Variants in ANTXR1 observed in about 807,000 individuals in gnomAD.
ANTXR1 encodes the protein anthrax toxin receptor 1.
Under a neutral mutation model 78.1 loss-of-function variants are expected in ANTXR1, and 19 were observed. The observed-to-expected ratio is 0.24, with a 90% confidence interval of 0.17 to 0.36. The LOEUF (loss-of-function observed/expected upper bound fraction) is 0.36. ANTXR1 is among the 10% of genes least tolerant of loss of function. ANTXR1 has a pLI of 1.00. For synonymous variants in ANTXR1, 273 were observed against 260.5 expected (o/e 1.05, Z -0.46); for missense variants, 518 against 718.6 (o/e 0.72, Z 3.19).
intron 4 of ANTXR1, 45 bp downstream of exon 4, chr2:69,070,773 G>T: frequency 6.5e-7 from 1 of 1,547,466 alleles, no homozygotes; most frequent in Non-Finnish European, 8.9e-7. Context: ...GCATGATATT[G>T]AAATATCAAC....
chr2:69,070,030 A>T (rs1438035206), intron 3 of ANTXR1, among the ~76,000 whole-genome samples: 3 of 152,164 alleles, frequency 2.0e-5, no homozygotes, highest in Admixed American at 1.3e-4. Context: ...TTTGGCCCCC[A>T]AGTCATTTAT....
At chr2:69,046,894 A>C (rs1176640712) in intron 3 of ANTXR1, among the ~76,000 whole-genome samples, 1 of 152,186 alleles carries the variant, frequency 6.6e-6, no homozygotes, top group Non-Finnish European at 1.5e-5. Flanking sequence ...GAATTAAGAA[A>C]AACTTGTTCA....
chr2:69,152,340 G>C, intron 13 of ANTXR1, 76 bp downstream of exon 13: 1 of 1,480,984 alleles, frequency 6.8e-7, no homozygotes, highest in East Asian at 2.3e-5. Context: ...GAGAGAAAGG[G>C]ATTTTTAAAA....
At chr2:69,190,640 A>T (rs1411816795) in intron 16 of ANTXR1, among the ~76,000 whole-genome samples, 10 of 152,200 alleles carry the variant, frequency 6.6e-5, no homozygotes, top group Admixed American at 3.9e-4. Context: ...GGGAGATGAA[A>T]CTACTCATCT....
At chr2:69,128,664 A>C (rs1411981445) in intron 12 of ANTXR1, among the ~76,000 whole-genome samples, 2 of 152,218 alleles carry the variant, frequency 1.3e-5, no homozygotes, top group South Asian at 2.1e-4. Flanking sequence ...TTAAAGGCTG[A>C]AACTATCATT....
intron 2 of ANTXR1, among the ~76,000 whole-genome samples, chr2:69,042,965 C>G (rs1669653732): frequency 6.6e-6 from 1 of 152,194 alleles, no homozygotes; most frequent in East Asian, 1.9e-4. Context: ...TGGCTCACTT[C>G]CCTCCTCACT....
intron 1 of ANTXR1, among the ~76,000 whole-genome samples, chr2:69,014,332 C>T (rs1670959819): frequency 6.6e-6 from 1 of 152,144 alleles, no homozygotes; most frequent in Non-Finnish European, 1.5e-5. Context: ...CCCCCCACTC[C>T]TTCCTTATTA....
chr2:69,228,901 A>G (rs934570720), intron 17 of ANTXR1, among the ~76,000 whole-genome samples: 3 of 152,144 alleles, frequency 2.0e-5, no homozygotes, highest in Non-Finnish European at 4.4e-5. Flanking sequence ...AACAACAGAA[A>G]TTTATTTTCT....
chr2:69,149,424 C>T (rs546659757), intron 12 of ANTXR1, among the ~76,000 whole-genome samples: 3 of 152,324 alleles, frequency 2.0e-5, no homozygotes, highest in South Asian at 4.1e-4. Flanking sequence ...CTCGCTACTT[C>T]ACGGAAAACC....
At chr2:69,216,380 C>T (rs1309093247) in intron 17 of ANTXR1, among the ~76,000 whole-genome samples, 1 of 152,124 alleles carries the variant, frequency 6.6e-6, no homozygotes, top group African/African-American at 2.4e-5. Flanking sequence ...CATGCACATA[C>T]ACATACATAT....
At chr2:69,129,487 C>T (rs1360826586) in intron 12 of ANTXR1, among the ~76,000 whole-genome samples, 3 of 152,130 alleles carry the variant, frequency 2.0e-5, no homozygotes, top group African/African-American at 4.8e-5. Context: ...GGCGTGGTGT[C>T]TCACGCCTGT....
At chr2:69,062,510 G>T (rs1332038110) in intron 3 of ANTXR1, among the ~76,000 whole-genome samples, 1 of 152,116 alleles carries the variant, frequency 6.6e-6, no homozygotes, top group African/African-American at 2.4e-5. Flanking sequence ...TCTAACAAAA[G>T]GTGCAGCCCA....
intron 12 of ANTXR1, among the ~76,000 whole-genome samples, chr2:69,129,960 C>T (rs1672680993): frequency 1.3e-5 from 2 of 152,132 alleles, no homozygotes; most frequent in Non-Finnish European, 2.9e-5. Flanking sequence ...GACACCAACC[C>T]GAACCAGGGA....
At chr2:69,177,440 C>T (rs973049000) in intron 14 of ANTXR1, among the ~76,000 whole-genome samples, 13 of 150,202 alleles carry the variant, frequency 8.7e-5, no homozygotes, top group African/African-American at 2.8e-4. Context: ...CAGCACTGTG[C>T]CTGCAGGCAC....
intron 12 of ANTXR1, among the ~76,000 whole-genome samples, chr2:69,141,418 AT>A (rs960138178): frequency 6.6e-6 from 1 of 152,248 alleles, no homozygotes; most frequent in African/African-American, 2.4e-5. Flanking sequence ...ATTTACAATG[AT>A]TCTGAAGGAC....
At chr2:69,201,840 C>A (rs1369530556) in intron 17 of ANTXR1, among the ~76,000 whole-genome samples, 2 of 152,132 alleles carry the variant, frequency 1.3e-5, no homozygotes, top group African/African-American at 4.8e-5. Context: ...TTCACAGTGC[C>A]TGTGGGACAT....
chr2:69,150,682 C>G (rs939629867), intron 12 of ANTXR1, among the ~76,000 whole-genome samples: 4 of 139,328 alleles, frequency 2.9e-5, no homozygotes, highest in Admixed American at 2.2e-4. Flanking sequence ...ATCCATTATA[C>G]CAGGAGTGTT....
chr2:69,172,429 C>T, intron 14 of ANTXR1: 1 of 1,602,468 alleles, frequency 6.2e-7, no homozygotes, highest in Non-Finnish European at 8.5e-7. Flanking sequence ...GATAACCTAA[C>T]ACAGCCCGTG....
intron 3 of ANTXR1, among the ~76,000 whole-genome samples, chr2:69,062,074 A>G (rs1171738971): frequency 2.0e-5 from 3 of 152,222 alleles, no homozygotes; most frequent in Non-Finnish European, 4.4e-5. Flanking sequence ...AGAAGCTTCC[A>G]TACTTAAAGG....
Sources: gnomAD v4.1 joint callset for allele counts (sites outside exome capture counted in the v4.1 genomes callset) on GRCh38, gnomAD v4.1.1 for gene constraint, MANE v1.5 for transcripts, NCBI Gene and HGNC (gene_info 2026-07-23, HGNC 2026-07-21) for gene names.